ELMO1: variants seen among roughly 807,000 people sequenced by gnomAD.
ELMO1 encodes engulfment and cell motility protein 1.
A neutral mutation model predicts 98.9 loss-of-function variants in ELMO1; 26 were observed. The ratio of observed to expected loss-of-function variants is 0.26; its 90% CI spans 0.19 to 0.36. The LOEUF is 0.36. Ranked by LOEUF, ELMO1 falls within the 10% of genes least tolerant of loss-of-function variation. ELMO1 has a pLI of 1.00. For missense variants in ELMO1, 627 were observed against 935.2 expected, an observed-to-expected ratio of 0.67 and a Z score of 4.30; for synonymous variants, 346 against 346.0, an observed-to-expected ratio of 1.00 and a Z score of 0.00.
chr7:37,129,321 A>T (rs984992706), intron 14 of ELMO1, among the ~76,000 whole-genome samples: 1 of 152,226 alleles, frequency 6.6e-6, no homozygotes, highest in Non-Finnish European at 1.5e-5. Context: ...ATTAGCAAGG[A>T]GGCCACTAAG....
intron 4 of ELMO1, among the ~76,000 whole-genome samples, chr7:37,295,701 T>C (rs555827770): frequency 1.2e-4 from 18 of 152,146 alleles, no homozygotes; most frequent in East Asian, 3.8e-4. Flanking sequence ...CTTTTTGTTC[T>C]AGAAGGAGGA....
intron 10 of ELMO1, among the ~76,000 whole-genome samples, chr7:37,220,683 T>C (rs1044000535): frequency 1.3e-5 from 2 of 152,234 alleles, no homozygotes; most frequent in African/African-American, 4.8e-5. Flanking sequence ...ATTTAACAAA[T>C]GAACAGTAGT....
chr7:37,263,021 C>G (rs1338148281), intron 5 of ELMO1, among the ~76,000 whole-genome samples: 1 of 152,182 alleles, frequency 6.6e-6, no homozygotes, highest in African/African-American at 2.4e-5. Flanking sequence ...GACCTCCAAT[C>G]AAAATATTAT....
chr7:36,867,853 T>A (rs746316256), intron 20 of ELMO1, among the ~76,000 whole-genome samples: 1 of 152,208 alleles, frequency 6.6e-6, no homozygotes, highest in African/African-American at 2.4e-5. Context: ...TTTAATTCCA[T>A]TGTGATTTGA....
chr7:36,938,521 T>A (rs977144310), intron 16 of ELMO1, among the ~76,000 whole-genome samples: 1 of 152,206 alleles, frequency 6.6e-6, no homozygotes, highest in South Asian at 2.1e-4. Flanking sequence ...ATCTGCAAAT[T>A]TAAGAAAAAG....
Position 37,029,003 on chromosome 7 carries a change from G to A in ELMO1, c.1301-15568C>T, listed in dbSNP as rs117994698. Reference sequence around the variant, plus strand: ...CTCCTATGAACTCCCCATAAGACAGGTTTGGGTCTTATTTCCATTTCATAG... The same window carrying A: ...CTCCTATGAACTCCCCATAAGACAGATTTGGGTCTTATTTCCATTTCATAG... On this transcript the variant is annotated intron_variant, in intron 15 of 21. Transcript: ENST00000310758. Among the ~76,000 whole-genome samples, 534 of 152,170 alleles carry A rather than the reference G, an allele frequency of 3.5e-3. 7 individuals carry two copies. The highest frequency in any genetic ancestry group is 5.9e-3 in the Non-Finnish European group (401 of 68,012).
chr7:36,951,256 T>C (rs1333352178), intron 16 of ELMO1, among the ~76,000 whole-genome samples: 3 of 152,182 alleles, frequency 2.0e-5, no homozygotes, highest in Non-Finnish European at 2.9e-5. Flanking sequence ...CTTAAGATGC[T>C]TCAAGGGCTT....
At chr7:36,879,538 T>G (rs923576506) in intron 18 of ELMO1, among the ~76,000 whole-genome samples, 1 of 152,252 alleles carries the variant, frequency 6.6e-6, no homozygotes, top group Admixed American at 6.5e-5. Context: ...ATTATGATTC[T>G]TTTAATAGAA....
At chr7:37,295,277 A>G (rs1797975492) in intron 4 of ELMO1, among the ~76,000 whole-genome samples, 1 of 152,224 alleles carries the variant, frequency 6.6e-6, no homozygotes, top group South Asian at 2.1e-4. Flanking sequence ...GGTTTTTTAA[A>G]GGTGATGCAA....
intron 13 of ELMO1, among the ~76,000 whole-genome samples, chr7:37,177,496 A>C (rs1790559509): frequency 1.3e-5 from 2 of 152,362 alleles, no homozygotes; most frequent in African/African-American, 4.8e-5. Flanking sequence ...TCTGAGAATA[A>C]TTTGAATTAA....
intron 16 of ELMO1, among the ~76,000 whole-genome samples, chr7:36,957,888 C>T (rs537564453): frequency 6.6e-6 from 1 of 152,308 alleles, no homozygotes; most frequent in African/African-American, 2.4e-5. Flanking sequence ...CTGTAGGTAG[C>T]CCCTCCGGCA....
intron 4 of ELMO1, among the ~76,000 whole-genome samples, chr7:37,272,140 G>T (rs938736607): frequency 5.3e-5 from 8 of 152,044 alleles, no homozygotes; most frequent in Non-Finnish European, 1.2e-4. Context: ...GGTTATTAAG[G>T]GCATATGACC....
intron 15 of ELMO1, among the ~76,000 whole-genome samples, chr7:37,074,207 T>C (rs7792172): frequency 0.1 from 15,042 of 148,306 alleles, 845 homozygotes; most frequent in Middle Eastern, 0.2. Context: ...TAAATTCATA[T>C]ATAGGGTATA....
At chr7:37,293,744 A>AT (rs56258233) in intron 4 of ELMO1, among the ~76,000 whole-genome samples, 2 of 69,482 alleles carry the variant, frequency 2.9e-5, no homozygotes, top group Non-Finnish European at 7.2e-5. Flanking sequence ...AATAATAAAA[A>AT]AAAAGAGTGA....
At chr7:37,344,311 C>T (rs944307090) in intron 1 of ELMO1, among the ~76,000 whole-genome samples, 3 of 152,124 alleles carry the variant, frequency 2.0e-5, no homozygotes, top group East Asian at 1.9e-4. Flanking sequence ...GGATTGCAGG[C>T]GTGAGCCACC....
At chr7:37,064,398 T>C (rs991234835) in intron 15 of ELMO1, among the ~76,000 whole-genome samples, 2 of 152,132 alleles carry the variant, frequency 1.3e-5, no homozygotes, top group Non-Finnish European at 2.9e-5. Context: ...GCAGGGACTA[T>C]GTATGAGGGC....
intron 14 of ELMO1, among the ~76,000 whole-genome samples, chr7:37,111,956 G>A (rs1259933701): frequency 6.6e-6 from 1 of 152,146 alleles, no homozygotes; most frequent in African/African-American, 2.4e-5. Context: ...TTGTTGTAAG[G>A]CTTTATCCTG....
At chr7:37,202,872 T>C (rs1347733599) in intron 13 of ELMO1, among the ~76,000 whole-genome samples, 1 of 152,172 alleles carries the variant, frequency 6.6e-6, no homozygotes, top group Non-Finnish European at 1.5e-5. Flanking sequence ...AGGGTGAGCC[T>C]GTTGATGTCT....
chr7:36,889,892 C>T (rs1805404352), intron 17 of ELMO1, among the ~76,000 whole-genome samples: 1 of 152,198 alleles, frequency 6.6e-6, no homozygotes, highest in South Asian at 2.1e-4. Flanking sequence ...CTCTTTCTTT[C>T]TTTCTATTGC....
Sources: allele counts gnomAD v4.1 joint callset (sites outside exome capture counted in the v4.1 genomes callset), GRCh38; gene constraint gnomAD v4.1.1; transcripts MANE v1.5; gene names NCBI Gene and HGNC (gene_info 2026-07-23, HGNC 2026-07-21).